The following MARCHF7 variants were observed in gnomAD, a reference collection of about 807,000 sequenced individuals.
MARCHF7 encodes the protein membrane associated ring-CH-type finger 7.
A neutral mutation model predicts 76.5 loss-of-function variants in MARCHF7; 20 were observed. The ratio of observed to expected loss-of-function variants is 0.26; its 90% CI spans 0.18 to 0.38. The LOEUF is 0.38. Among genes scored for constraint, MARCHF7 ranks in the 10% least tolerant of loss-of-function variants. The probability of loss-of-function intolerance (pLI) is 1.00; values close to 1 mark genes in which losing one functional copy is unlikely to be tolerated. For synonymous variants in MARCHF7, 295 were observed against 293.0 expected (o/e 1.01, Z -0.07); for missense variants, 797 against 812.9 (o/e 0.98, Z 0.24).
intron 3 of MARCHF7, among the ~76,000 whole-genome samples, chr2:159,724,639 T>C (rs766043615): frequency 6.6e-6 from 1 of 152,222 alleles, no homozygotes; most frequent in Non-Finnish European, 1.5e-5. Context: ...ATAAGCTCTT[T>C]ATAATGCTGT....
chr2:159,714,388 T>C (rs1700788469), intron 1 of MARCHF7, among the ~76,000 whole-genome samples, 169 bp from the exon 2 acceptor site: 1 of 152,166 alleles, frequency 6.6e-6, no homozygotes, highest in Admixed American at 6.5e-5. Flanking sequence ...TAAACAACTA[T>C]TATTATCTTA....
chr2:159,733,673 C>T, intron 4 of MARCHF7: 1 of 985,262 alleles, frequency 1.0e-6, no homozygotes, highest in Non-Finnish European at 1.2e-6. Flanking sequence ...GGGGGTAGGA[C>T]ATGATCAATT....
chr2:159,724,084 G>C (rs1204456992), intron 3 of MARCHF7, among the ~76,000 whole-genome samples: 1 of 152,010 alleles, frequency 6.6e-6, no homozygotes, highest in Non-Finnish European at 1.5e-5. Context: ...TAGTGTTTTT[G>C]GTCGTTGTGT....
chr2:159,736,159 C>T (rs190878145), intron 4 of MARCHF7, among the ~76,000 whole-genome samples: 95 of 152,322 alleles, frequency 6.2e-4, no homozygotes, highest in African/African-American at 2.2e-3. Context: ...CCGAGTCATG[C>T]ATAACCTCTG....
At chr2:159,764,542 A>G in intron 10 of MARCHF7, 84 bp from the exon 11 acceptor site, 2 of 1,036,570 alleles carry the variant, frequency 1.9e-6, no homozygotes. Context: ...CTTTTTAAGT[A>G]GAAATGAATC....
chr2:159,743,448 G>GATAT (rs1288400634), intron 5 of MARCHF7, among the ~76,000 whole-genome samples, 195 bp downstream of exon 5: 1 of 152,098 alleles, frequency 6.6e-6, no homozygotes, highest in African/African-American at 2.4e-5. Flanking sequence ...AATTGATATA[G>GATAT]ATATCCTAAA....
intron 7 of MARCHF7, among the ~76,000 whole-genome samples, chr2:159,750,144 G>A (rs908873371): frequency 6.6e-5 from 10 of 152,158 alleles, no homozygotes; most frequent in African/African-American, 1.9e-4. Context: ...GGCTTCAAGC[G>A]ATCCTCATGC....
At chr2:159,742,287 G>A (rs998283708) in intron 4 of MARCHF7, among the ~76,000 whole-genome samples, 4 of 151,120 alleles carry the variant, frequency 2.6e-5, no homozygotes, top group African/African-American at 9.7e-5. Flanking sequence ...TACTAGTGTT[G>A]TATGACCGTA....
intron 10 of MARCHF7, among the ~76,000 whole-genome samples, chr2:159,764,212 T>TTTTG (rs1553787986): frequency 4.3e-5 from 6 of 138,566 alleles, no homozygotes; most frequent in South Asian, 2.4e-4. Flanking sequence ...CTTGGGAGTT[T>TTTTG]TGTGTGTGTG....
At chr2:159,733,216 T>G in intron 4 of MARCHF7, 1 of 869,572 alleles carries the variant, frequency 1.1e-6, no homozygotes, top group Non-Finnish European at 1.4e-6. Context: ...TTGTTAAGAT[T>G]ACTCAGTGTC....
chr2:159,751,264 A>G (rs1705615780), intron 7 of MARCHF7, among the ~76,000 whole-genome samples: 1 of 152,200 alleles, frequency 6.6e-6, no homozygotes, highest in Admixed American at 6.5e-5. Context: ...GTACCACTCT[A>G]TCTGGTTAAT....
chr2:159,737,289 T>A (rs1476374602), intron 4 of MARCHF7, among the ~76,000 whole-genome samples: 2 of 152,192 alleles, frequency 1.3e-5, no homozygotes, highest in Non-Finnish European at 2.9e-5. Flanking sequence ...ATACTGAGAC[T>A]TGTATCCAGA....
intron 6 of MARCHF7, among the ~76,000 whole-genome samples, chr2:159,746,275 T>G (rs535443402): frequency 2.0e-5 from 3 of 152,366 alleles, no homozygotes; most frequent in Non-Finnish European, 4.4e-5. Flanking sequence ...TACTTCTGAT[T>G]ATTCTTCTAC....
chr2:159,726,364 G>A (rs913425252), intron 3 of MARCHF7, among the ~76,000 whole-genome samples: 4 of 152,088 alleles, frequency 2.6e-5, no homozygotes, highest in South Asian at 4.2e-4. Flanking sequence ...CCGGGTTCAC[G>A]CCATTCTCCT....
In MARCHF7 at chr2:159,718,068, A is replaced by G. The variant is rs372140714; in HGVS notation, c.-15+2302A>G. Among the ~76,000 whole-genome samples, 3 of 152,362 alleles carry G rather than the reference A, an allele frequency of 2.0e-5. No individual in the cohort carries two copies. In the East Asian group the frequency reaches 5.8e-4, roughly 29 times the overall value. The stretch of plus-strand genomic sequence containing the variant: ...TAATAATAGCTAGTATTTGCTGAAC[A>G]CATGCTGTGTGCCAGCAAACCTCAC... On this transcript the variant is annotated intron_variant, in intron 3 of 11. Coordinates refer to ENST00000409175, the MANE Select transcript of MARCHF7 (RefSeq NM_001282805.2).
intron 6 of MARCHF7, among the ~76,000 whole-genome samples, chr2:159,746,651 T>C (rs1174361963): frequency 1.3e-5 from 2 of 152,162 alleles, no homozygotes; most frequent in East Asian, 3.8e-4. Flanking sequence ...TCCAACCGCC[T>C]CAGCCTCCCA....
intron 3 of MARCHF7, among the ~76,000 whole-genome samples, chr2:159,728,221 T>C (rs1311001316): frequency 1.3e-5 from 2 of 152,140 alleles, no homozygotes; most frequent in Non-Finnish European, 2.9e-5. Context: ...GTCTGGAGAG[T>C]CAGTGAACTA....
intron 3 of MARCHF7, among the ~76,000 whole-genome samples, chr2:159,722,615 T>C (rs905908411): frequency 6.6e-6 from 1 of 152,130 alleles, no homozygotes; most frequent in African/African-American, 2.4e-5. Context: ...TCCAAAAAAC[T>C]TGGTTAAATG....
chr2:159,741,583 C>T (rs1704133278), intron 4 of MARCHF7, among the ~76,000 whole-genome samples: 1 of 152,066 alleles, frequency 6.6e-6, no homozygotes, highest in African/African-American at 2.4e-5. Flanking sequence ...GTTACCTGTA[C>T]TGTAGAGCTT....
Sources: allele counts gnomAD v4.1 joint callset (sites outside exome capture counted in the v4.1 genomes callset), GRCh38; gene constraint gnomAD v4.1.1; transcripts MANE v1.5; gene names NCBI Gene and HGNC (gene_info 2026-07-23, HGNC 2026-07-21).